The following FAM167A variants were observed in gnomAD, a reference collection of about 807,000 sequenced individuals.
FAM167A encodes protein FAM167A.
FAM167A carries 23 observed loss-of-function variants against 14.9 expected under a neutral mutation model. The ratio of observed to expected loss-of-function variants is 1.55; its 90% confidence interval spans 1.11 to 2.19. FAM167A has a LOEUF of 2.19. Ranked by LOEUF, FAM167A falls within the 30% of genes most tolerant of loss-of-function variation. The probability of loss-of-function intolerance (pLI) is 0.00; values close to 1 mark genes in which losing one functional copy is unlikely to be tolerated. For missense variants in FAM167A, 401 were observed against 281.5 expected (o/e 1.42, Z -3.04); for synonymous variants, 174 against 117.7 (o/e 1.48, Z -3.10).
At position 11,437,244 on chromosome 8, in the gene FAM167A, C is replaced by T. The variant is rs1806083326; in HGVS notation, c.381+6787G>A. Among the ~76,000 whole-genome samples the T allele has an allele frequency of 1.3e-5, 2 of 152,144 alleles. 1 individual carries two copies. Among genetic ancestry groups the T allele is most frequent in the South Asian group, 4.2e-4 (2 of 4,818 alleles). On this transcript the variant is annotated intron_variant, in intron 2 of 2. Transcript: ENST00000284486. ...GATTGATCTTGGGCAAGTTTTTTAA[C>T]CTCAGTTTTCTCATCTGTGAAATGG...
chr8:11,428,375 T>A (rs1285921090), intron 2 of FAM167A, among the ~76,000 whole-genome samples: 1 of 152,246 alleles, frequency 6.6e-6, no homozygotes, highest in Admixed American at 6.5e-5. Flanking sequence ...AAGGCCTGTG[T>A]CAGTTTCCAT....
chr8:11,472,463 A>C (rs1227161468), upstream of FAM167A, among the ~76,000 whole-genome samples: 2 of 135,218 alleles, frequency 1.5e-5, no homozygotes, highest in African/African-American at 2.9e-5. Flanking sequence ...TTTTTGAGAC[A>C]AGGTCTCTCT....
rs1054634628 is a variant in FAM167A, at chr8:11,422,775, G to C, written c.*1598C>G. The C allele has an allele frequency of 1.3e-5, 2 of 152,402 alleles. No homozygotes were observed. The highest frequency in any genetic ancestry group is 4.8e-5 in the African/African-American group (2 of 41,468). 9.4% of individuals were successfully genotyped at this position (152,402 alleles called of 1,614,324 possible). On this transcript the variant is annotated 3_prime_UTR_variant, in exon 3 of 3. Coordinates refer to ENST00000284486, the MANE Select transcript of FAM167A (RefSeq NM_053279.3). ...GGGCCCCACTGAGATTACACAGGAA[G>C]AAGTCACAGTAGACAGAGCAGCCAG... is the stretch of plus-strand genomic sequence containing the variant.
At chr8:11,427,444 G>C (rs938619905) in intron 2 of FAM167A, among the ~76,000 whole-genome samples, 18 of 152,182 alleles carry the variant, frequency 1.2e-4, no homozygotes, top group African/African-American at 4.1e-4. Flanking sequence ...GTCTCCACTT[G>C]TAAGTGGTTA....
rs139812137 is a variant in FAM167A at position 11,474,883 on chromosome 8, C to T, written c.-398+983G>A. Among the ~76,000 whole-genome samples the T allele has an allele frequency of 3.0e-4, 45 of 151,352 alleles. No homozygotes were observed. In the East Asian group the frequency reaches 8.6e-3, roughly 29 times the overall value. ...GGAGGAAGAAGAAGAATCACAATAACATCAACAGCGAAGGCGACATGAAGG... is the reference window on the plus strand; with the variant it reads ...GGAGGAAGAAGAAGAATCACAATAATATCAACAGCGAAGGCGACATGAAGG... On this transcript the variant is annotated intron_variant, in intron 1 of 1. Transcript: ENST00000648766.
At chr8:11,441,746 G>A (rs1806451798) in intron 2 of FAM167A, among the ~76,000 whole-genome samples, 1 of 152,224 alleles carries the variant, frequency 6.6e-6, no homozygotes, top group Admixed American at 6.5e-5. Context: ...CACAGTGAGG[G>A]CAATCATGTA....
chr8:11,428,674 C>T (rs1374921868), intron 2 of FAM167A, among the ~76,000 whole-genome samples: 1 of 152,204 alleles, frequency 6.6e-6, no homozygotes, highest in East Asian at 1.9e-4. Context: ...GTGTTGGGAT[C>T]CCTGCACACA....
chr8:11,434,894 G>C (rs577969756), intron 2 of FAM167A: 5 of 385,854 alleles, frequency 1.3e-5, no homozygotes, highest in African/African-American at 6.2e-5. Context: ...CTGTGCCGGA[G>C]AGAGAGTGGG....
intron 2 of FAM167A, among the ~76,000 whole-genome samples, chr8:11,433,207 A>AAAAAAAT (rs578139966): frequency 6.6e-6 from 1 of 152,014 alleles, no homozygotes; most frequent in African/African-American, 2.4e-5. Context: ...AGTATGATAA[A>AAAAAAAT]AAAAAATAAA....
At chr8:11,442,489 C>T (rs988263424) in intron 2 of FAM167A, among the ~76,000 whole-genome samples, 1 of 152,104 alleles carries the variant, frequency 6.6e-6, no homozygotes, top group African/African-American at 2.4e-5. Flanking sequence ...ATGCTAACTT[C>T]CTTAAAAAGA....
upstream of FAM167A, among the ~76,000 whole-genome samples, chr8:11,472,509 G>C (rs549096760): frequency 7.1e-6 from 1 of 141,348 alleles, no homozygotes; most frequent in African/African-American, 2.7e-5. Context: ...GCGTGATCTC[G>C]GCTCACTGCA....
chr8:11,427,375 A>G (rs188406958), intron 2 of FAM167A, among the ~76,000 whole-genome samples: 4 of 152,292 alleles, frequency 2.6e-5, no homozygotes, highest in African/African-American at 7.2e-5. Context: ...TGTCACTGGG[A>G]CAGGTTGCCA....
At position 11,424,011 on chromosome 8, in the gene FAM167A, T is replaced by C. The variant is rs1323281194; in HGVS notation, c.*362A>G. 1 of 235,056 alleles carries C rather than the reference T, an allele frequency of 4.3e-6. No homozygotes were observed. Among genetic ancestry groups the C allele is most frequent in the African/African-American group, 2.2e-5 (1 of 44,970 alleles). 14.6% of individuals were successfully genotyped at this position (235,056 alleles called of 1,614,324 possible). ...GCCTTCTGCAAAAATGACAGCTTTG[T>C]TGGGGGGCCTCCCTTTGGGAATCCC... On this transcript the variant is annotated 3_prime_UTR_variant, in exon 3 of 3. Coordinates refer to ENST00000284486, the MANE Select transcript of FAM167A (RefSeq NM_053279.3).
intron 2 of FAM167A, among the ~76,000 whole-genome samples, chr8:11,441,676 G>C (rs1300986305): frequency 1.3e-5 from 2 of 152,170 alleles, no homozygotes; most frequent in Non-Finnish European, 2.9e-5. Context: ...CACTCATCAT[G>C]TCATCCTAAG....
At chr8:11,441,610 A>T (rs1387627260) in intron 2 of FAM167A, among the ~76,000 whole-genome samples, 1 of 151,740 alleles carries the variant, frequency 6.6e-6, no homozygotes, top group African/African-American at 2.4e-5. Context: ...CTCACCTGCT[A>T]CCTCTCTCCC....
rs2116953141 is a variant in FAM167A at position 11,421,944 on chromosome 8, A to G, written c.*2429T>C. The stretch of plus-strand genomic sequence containing the variant: ...TTAGTTGTGTTCACTGTGCAAAGTA[A>G]GGAAGCCAGTCAACACTGGACGATG... On this transcript the variant is annotated 3_prime_UTR_variant, in exon 3 of 3. Coordinates refer to ENST00000284486, the MANE Select transcript of FAM167A (RefSeq NM_053279.3). 5.0e-6 allele frequency: 2 copies of G among 397,906 alleles called. No individual in the cohort carries two copies. The highest frequency in any genetic ancestry group is 1.3e-3 in the Middle Eastern group (2 of 1,586). The allele number at this position is 397,906 out of a possible 1,614,324, so 24.6% of individuals were successfully genotyped here.
chr8:11,473,937 A>G (rs559143992), intron 1 of FAM167A, among the ~76,000 whole-genome samples: 1 of 152,160 alleles, frequency 6.6e-6, no homozygotes, highest in Non-Finnish European at 1.5e-5. Flanking sequence ...CAGTGGCGCA[A>G]TACCAGCTCA....
At chr8:11,453,068 G>A (rs1807090159) in intron 1 of FAM167A, among the ~76,000 whole-genome samples, 1 of 152,198 alleles carries the variant, frequency 6.6e-6, no homozygotes, top group Non-Finnish European at 1.5e-5. Context: ...CTTGGACGCT[G>A]TCCCCTTCTC....
Position 11,444,217 on chromosome 8 carries a change from C to T in FAM167A, c.195G>A (p.Ala65=), listed in dbSNP as rs755086250. ...CCTCCTCCAAGCTCGCCTGTGGCTCCGCAGCCGGCCTCGGGAAGGGCCAGG... is the reference window on the plus strand; with the variant it reads ...CCTCCTCCAAGCTCGCCTGTGGCTCTGCAGCCGGCCTCGGGAAGGGCCAGG... The part of the protein sequence containing the change: ...EHTWPFPRPA[A]EPQASLEEGE... The change falls in exon 2 of 3, where the codon GCG becomes GCA. Residue 65 remains alanine, a synonymous_variant. Transcript: ENST00000284486. The T allele has an allele frequency of 1.3e-4, 206 of 1,612,412 alleles. 1 individual carries two copies. In the Admixed American group the frequency reaches 2.4e-3, roughly 19 times the overall value.
Sources: gnomAD v4.1 joint callset for allele counts (sites outside exome capture counted in the v4.1 genomes callset) on GRCh38, gnomAD v4.1.1 for gene constraint, MANE v1.5 for transcripts, NCBI Gene and HGNC (gene_info 2026-07-23, HGNC 2026-07-21) for gene names.